TMTC2: variants seen among roughly 807,000 people sequenced by gnomAD.
The protein encoded by TMTC2 is transmembrane O-mannosyltransferase targeting cadherins 2, also known as protein O-mannosyl-transferase TMTC2.
TMTC2 carries 43 observed loss-of-function variants against 82.4 expected under a neutral mutation model. The ratio of observed to expected loss-of-function variants is 0.52; its 90% CI spans 0.41 to 0.67. The LOEUF is 0.67. Among genes scored for constraint, TMTC2 ranks in the 30% least tolerant of loss-of-function variants. The probability of loss-of-function intolerance (pLI) is 0.00; values close to 1 mark genes in which losing one functional copy is unlikely to be tolerated. For missense variants in TMTC2, 919 were observed against 1,012.4 expected, an observed-to-expected ratio of 0.91 and a Z score of 1.25; for synonymous variants, 408 against 381.9, an observed-to-expected ratio of 1.07 and a Z score of -0.80.
intron 1 of TMTC2, among the ~76,000 whole-genome samples, chr12:82,735,409 G>A (rs893346561): frequency 2.0e-5 from 3 of 150,550 alleles, no homozygotes; most frequent in Non-Finnish European, 2.9e-5. Flanking sequence ...GCAGTGGCGC[G>A]ATCTCGGCTC....
At position 83,052,768 on chromosome 12, in the gene TMTC2, A is replaced by G. The variant is rs117879362; in HGVS notation, c.2267+1750A>G. Among the ~76,000 whole-genome samples the G allele has an allele frequency of 7.3e-3, 1,118 of 152,246 alleles. 14 individuals carry two copies. The highest frequency in any genetic ancestry group is 0.024 in the Middle Eastern group (7 of 294). On this transcript the variant is annotated intron_variant, in intron 10 of 11. Coordinates refer to ENST00000321196, the MANE Select transcript of TMTC2 (RefSeq NM_152588.3). ...AAGACATCACTTATGATTTTTTCTT[A>G]GTTGCCTTAGTGCTAGAAACCAGTG...
At chr12:83,122,776 A>C (rs1003199343) in intron 11 of TMTC2, among the ~76,000 whole-genome samples, 1 of 152,134 alleles carries the variant, frequency 6.6e-6, no homozygotes, top group Non-Finnish European at 1.5e-5. Context: ...GCAAAAATTC[A>C]GCATGGATCC....
chr12:82,786,677 G>A (rs1878190566), intron 1 of TMTC2, among the ~76,000 whole-genome samples: 1 of 152,004 alleles, frequency 6.6e-6, no homozygotes, highest in Non-Finnish European at 1.5e-5. Flanking sequence ...ACACTGCTTG[G>A]TACATCTCTT....
At chr12:82,776,602 T>G (rs1877611752) in intron 1 of TMTC2, among the ~76,000 whole-genome samples, 1 of 141,030 alleles carries the variant, frequency 7.1e-6, no homozygotes, top group South Asian at 2.2e-4. Flanking sequence ...AACAGAAAGA[T>G]GTTGTCTCTA....
intron 1 of TMTC2, among the ~76,000 whole-genome samples, chr12:82,823,327 A>G (rs1312284387): frequency 1.3e-5 from 2 of 152,228 alleles, no homozygotes; most frequent in Non-Finnish European, 2.9e-5. Context: ...ACACACATTC[A>G]GGAGCTTGTC....
chr12:82,937,029 G>C (rs1004061767), intron 4 of TMTC2, among the ~76,000 whole-genome samples: 1 of 151,996 alleles, frequency 6.6e-6, no homozygotes, highest in African/African-American at 2.4e-5. Flanking sequence ...ACTGTATCTG[G>C]CTTATTATAA....
chr12:82,950,202 C>T (rs7957916), intron 4 of TMTC2, among the ~76,000 whole-genome samples: 97,600 of 151,968 alleles, frequency 0.64, 33,399 homozygotes, highest in South Asian at 0.82. Context: ...TAAATTCTCC[C>T]CCTTCATTTT....
At chr12:83,132,174 G>C in intron 11 of TMTC2, 36 bp from the exon 12 acceptor site, 1 of 1,550,380 alleles carries the variant, frequency 6.5e-7, no homozygotes, top group Non-Finnish European at 8.7e-7. Flanking sequence ...GCTTGAAATG[G>C]CCTCCTAATT....
At chr12:82,752,576 C>T (rs1268047240) in intron 1 of TMTC2, among the ~76,000 whole-genome samples, 1 of 152,026 alleles carries the variant, frequency 6.6e-6, no homozygotes, top group Non-Finnish European at 1.5e-5. Flanking sequence ...GGAGCATAAA[C>T]TGGGGAGTGG....
In TMTC2 at chr12:83,051,429, T is replaced by C. The variant is rs142683641; in HGVS notation, c.2267+411T>C. ...ACTCCCCTGGTCTATGTGCACCATG[T>C]GTAGGGCATATGAGTTTTTAGGACT... On this transcript the variant is annotated intron_variant, in intron 10 of 11. Coordinates refer to ENST00000321196, the MANE Select transcript of TMTC2 (RefSeq NM_152588.3). Among the ~76,000 whole-genome samples, 5 of 152,266 alleles carry C rather than the reference T, an allele frequency of 3.3e-5. No individual in the cohort carries two copies. In the East Asian group the frequency reaches 7.7e-4, roughly 24 times the overall value.
At chr12:82,718,460 A>G (rs967373500) in intron 1 of TMTC2, among the ~76,000 whole-genome samples, 2 of 152,242 alleles carry the variant, frequency 1.3e-5, no homozygotes, top group African/African-American at 4.8e-5. Context: ...GGGAAGCTGC[A>G]GAAGCCCAGA....
At chr12:82,888,590 T>C (rs1204832001) in intron 2 of TMTC2, among the ~76,000 whole-genome samples, 1 of 152,214 alleles carries the variant, frequency 6.6e-6, no homozygotes, top group Non-Finnish European at 1.5e-5. Context: ...CTAATTCTGT[T>C]GACTTATGAG....
At chr12:83,090,448 TATCACAAGTCTTTGCATAAA>T (rs773673982) in intron 11 of TMTC2, among the ~76,000 whole-genome samples, 4 of 152,340 alleles carry the variant, frequency 2.6e-5, no homozygotes, top group Admixed American at 6.5e-5. Context: ...GCAGCTGACA[TATCACAAGTCTTTGCATAAA>T]GTTAACCTTT....
Position 83,089,892 on chromosome 12 carries a change from G to A in TMTC2, c.2331+28061G>A, listed in dbSNP as rs147515377. On this transcript the variant is annotated intron_variant, in intron 11 of 11. Coordinates refer to ENST00000321196, the MANE Select transcript of TMTC2 (RefSeq NM_152588.3). Reference sequence around the variant, plus strand: ...TAATCTCATTTTTGTCCTTCTTCACGTGCTCTTTGTACTCCTTATATTTTG... The same window carrying A: ...TAATCTCATTTTTGTCCTTCTTCACATGCTCTTTGTACTCCTTATATTTTG... 1.0e-3 allele frequency among the ~76,000 whole-genome samples: 157 copies of A among 150,920 alleles called. 2 individuals carry two copies. The highest frequency in any genetic ancestry group is 4.1e-3 in the Admixed American group (62 of 15,106).
chr12:83,077,879 T>TA (rs1473813233), intron 11 of TMTC2, among the ~76,000 whole-genome samples: 4 of 109,880 alleles, frequency 3.6e-5, no homozygotes, highest in Non-Finnish European at 7.4e-5. Context: ...AGACAATCTG[T>TA]CTTTTTTTTT....
At chr12:83,080,683 A>G (rs998632454) in intron 11 of TMTC2, among the ~76,000 whole-genome samples, 1 of 152,128 alleles carries the variant, frequency 6.6e-6, no homozygotes, top group Non-Finnish European at 1.5e-5. Context: ...CAAAAGTACA[A>G]TCACCATTAT....
intron 1 of TMTC2, among the ~76,000 whole-genome samples, chr12:82,812,702 GACTA>G (rs1868467379): frequency 6.6e-6 from 1 of 151,756 alleles, no homozygotes; most frequent in East Asian, 1.9e-4. Flanking sequence ...TTTTATTTTT[GACTA>G]ACTCGGTTTG....
chr12:83,050,948 A>T lies in TMTC2; in HGVS notation c.2197A>T (p.Met733Leu), dbSNP rs1217850064. The T allele has an allele frequency of 6.2e-7, 1 of 1,613,398 alleles. No individual in the cohort carries two copies. The highest frequency in any genetic ancestry group is 8.5e-7 in the Non-Finnish European group (1 of 1,179,652). ...AGCTCGTCTCATAGAAGCAGCTGAG[A>T]TGGCAAAAAAAGCAGCTGAACTAGA... is the stretch of plus-strand genomic sequence containing the variant. ...EEARLIEAAE[M>L]AKKAAELDST... The change falls in exon 10 of 12, where the codon ATG becomes TTG. Residue 733 changes from methionine (M) to leucine (L), a missense_variant. Physicochemically the swap from Met to Leu is conservative, Grantham distance 15 (BLOSUM62 2). Transcript: ENST00000321196.
chr12:82,762,107 C>A (rs1448447932), intron 1 of TMTC2, among the ~76,000 whole-genome samples: 3 of 151,784 alleles, frequency 2.0e-5, no homozygotes, highest in Non-Finnish European at 4.4e-5. Flanking sequence ...ACTGGAATTA[C>A]AGGCACATGC....
Sources: gnomAD v4.1 joint callset for allele counts (sites outside exome capture counted in the v4.1 genomes callset) on GRCh38, gnomAD v4.1.1 for gene constraint, MANE v1.5 for transcripts, NCBI Gene and HGNC (gene_info 2026-07-23, HGNC 2026-07-21) for gene names.